The following CCDC15 variants were observed in gnomAD, a reference collection of about 807,000 sequenced individuals.
The protein encoded by CCDC15 is coiled-coil domain-containing protein 15.
A neutral mutation model predicts 114.5 loss-of-function variants in CCDC15; 105 were observed. The observed-to-expected ratio is 0.92, with a 90% CI of 0.78 to 1.08. The LOEUF (loss-of-function observed/expected upper bound fraction) is 1.08. Ranked by LOEUF, CCDC15 falls within the 50% of genes least tolerant of loss-of-function variation. The pLI is 0.00. For synonymous variants in CCDC15, 334 were observed against 377.8 expected (o/e 0.88, Z 1.34); for missense variants, 1,105 against 1,093.6 (o/e 1.01, Z -0.15).
At position 124,988,127 on chromosome 11, in the gene CCDC15, A is replaced by C; in HGVS notation, c.1901A>C (p.Lys634Thr). 1 of 1,610,560 alleles carries C rather than the reference A, an allele frequency of 6.2e-7. No individual in the cohort carries two copies. The highest frequency in any genetic ancestry group is 8.5e-7 in the Non-Finnish European group (1 of 1,178,632). ...TGTCAGGACCAAGATTTTCTACCAA[A>C]ATATCAGGTAAAATAGAGCAGAAAG... is the stretch of plus-strand genomic sequence containing the variant. ...PKCQDQDFLP[K>T]YQKVHFKEPY... is the part of the protein sequence containing the mutation. Residue 634 changes from lysine to threonine, a missense_variant, in exon 8 of 16, where the codon AAA becomes ACA. By Grantham distance (78) the Lys-to-Thr change is moderately conservative. Coordinates refer to ENST00000344762, the MANE Select transcript of CCDC15 (RefSeq NM_025004.3).
At chr11:124,968,325 C>T (rs958279502) in intron 4 of CCDC15, among the ~76,000 whole-genome samples, 2 of 152,216 alleles carry the variant, frequency 1.3e-5, no homozygotes, top group African/African-American at 4.8e-5. Context: ...TTCGAGCTTC[C>T]TAGACACTTT....
At chr11:125,025,392 A>G (rs866847996) in intron 13 of CCDC15, among the ~76,000 whole-genome samples, 2 of 151,678 alleles carry the variant, frequency 1.3e-5, no homozygotes, top group African/African-American at 2.4e-5. Flanking sequence ...TTTGTCTAAT[A>G]TATTTGTTAA....
At chr11:124,991,183 G>A (rs1424046008) in intron 8 of CCDC15, among the ~76,000 whole-genome samples, 4 of 152,192 alleles carry the variant, frequency 2.6e-5, no homozygotes, top group African/African-American at 9.7e-5. Context: ...GATCTTCTAT[G>A]CAGGCATCAT....
intron 13 of CCDC15, among the ~76,000 whole-genome samples, chr11:125,013,841 A>G (rs1008219560): frequency 6.6e-6 from 1 of 152,186 alleles, no homozygotes; most frequent in African/African-American, 2.4e-5. Context: ...GGGGTTTTCA[A>G]AATATGTTTC....
intron 11 of CCDC15, among the ~76,000 whole-genome samples, chr11:124,997,372 C>G (rs1016466062): frequency 6.6e-6 from 1 of 152,282 alleles, no homozygotes; most frequent in South Asian, 2.1e-4. Context: ...CTCACTGAAG[C>G]CTCAAATGAG....
At chr11:125,029,321 A>G (rs1436428950) in intron 13 of CCDC15, among the ~76,000 whole-genome samples, 1 of 152,192 alleles carries the variant, frequency 6.6e-6, no homozygotes, top group Non-Finnish European at 1.5e-5. Context: ...ACTTGAGCCC[A>G]TACACATCTC....
intron 11 of CCDC15, among the ~76,000 whole-genome samples, chr11:124,994,985 G>C (rs755659278): frequency 2.0e-5 from 3 of 152,184 alleles, no homozygotes; most frequent in Non-Finnish European, 4.4e-5. Flanking sequence ...CAAAGAAGCA[G>C]AAAATAGAGT....
At chr11:124,968,364 G>A (rs981780676) in intron 4 of CCDC15, among the ~76,000 whole-genome samples, 17 of 152,170 alleles carry the variant, frequency 1.1e-4, no homozygotes, top group Non-Finnish European at 1.8e-4. Context: ...CAGGAATGGC[G>A]GACGCCCCTC....
intron 4 of CCDC15, among the ~76,000 whole-genome samples, chr11:124,964,073 C>T (rs1274297698): frequency 3.3e-5 from 5 of 152,060 alleles, no homozygotes; most frequent in African/African-American, 4.8e-5. Flanking sequence ...AGTCAGGTAG[C>T]GTGATGCCTC....
intron 11 of CCDC15, among the ~76,000 whole-genome samples, chr11:125,003,287 GAAATAATTTTA>G (rs1217322863): frequency 6.6e-6 from 1 of 151,862 alleles, no homozygotes; most frequent in Non-Finnish European, 1.5e-5. Context: ...CTTAAGAGAT[GAAATAATTTTA>G]AACTTTTTAT....
At position 124,991,479 on chromosome 11, in the gene CCDC15, C is replaced by G; in HGVS notation, c.1927C>G (p.Pro643Ala). 1.3e-6 allele frequency: 2 copies of G among 1,584,992 alleles called. No homozygotes were observed. The highest frequency in any genetic ancestry group is 1.7e-6 in the Non-Finnish European group (2 of 1,157,352). The change falls in exon 9 of 16, where the codon CCA (proline) becomes GCA (alanine). Residue 643 changes from proline to alanine, a missense_variant. By Grantham distance (27) the Pro-to-Ala change is conservative (BLOSUM62 -1). Transcript: ENST00000344762. ...PKYQKVHFKE[P>A]YSDMTDEKGR... is the part of the protein sequence containing the mutation. Reference sequence around the variant, plus strand: ...CTTTTAGAAAGTACACTTTAAGGAGCCATACTCTGATATGACAGATGAGAA... The same window carrying G: ...CTTTTAGAAAGTACACTTTAAGGAGGCATACTCTGATATGACAGATGAGAA...
intron 13 of CCDC15, among the ~76,000 whole-genome samples, chr11:125,016,693 A>T (rs1018083226): frequency 6.6e-6 from 1 of 152,216 alleles, no homozygotes; most frequent in Non-Finnish European, 1.5e-5. Context: ...AAAAGTCAAA[A>T]TGAGAATTTC....
At chr11:124,985,521 G>C (rs1311538924) in intron 6 of CCDC15, among the ~76,000 whole-genome samples, 4 of 152,092 alleles carry the variant, frequency 2.6e-5, no homozygotes, top group Non-Finnish European at 5.9e-5. Context: ...AGCTATCCTA[G>C]TAGATGTGAA....
rs186868437 is a variant in CCDC15 at position 124,957,944 on chromosome 11, G to A, written c.178-1171G>A. 4.7e-4 allele frequency among the ~76,000 whole-genome samples: 72 copies of A among 152,274 alleles called. No individual in the cohort carries two copies. The East Asian group carries it at 7.1e-3, about 15-fold the overall frequency. ...AAAGAGAGACATAGTCAAGAGAAAA[G>A]CAGTGTAGAGAGGAACATAATTGTT... On this transcript the variant is annotated intron_variant, in intron 2 of 15. Transcript: ENST00000344762.
At position 125,003,976 on chromosome 11, in the gene CCDC15, C is replaced by T. The variant is rs370981353; in HGVS notation, c.2307+17C>T. ...AAGAAAGAGGTATGTAATGATACTG[C>T]TTTTGGATCCCAATATTTCTACTAT... On this transcript the variant is annotated intron_variant, in intron 12 of 15. Transcript: ENST00000344762. 2.4e-6 allele frequency: 3 copies of T among 1,251,782 alleles called. No individual in the cohort carries two copies. Among genetic ancestry groups the T allele is most frequent in the Non-Finnish European group, 3.3e-6 (3 of 916,176 alleles). The allele number at this position is 1,251,782 out of a possible 1,614,324, so 77.5% of individuals were successfully genotyped here.
At chr11:124,988,394 A>T (rs1054518804) in intron 8 of CCDC15, among the ~76,000 whole-genome samples, 2 of 152,252 alleles carry the variant, frequency 1.3e-5, no homozygotes, top group African/African-American at 4.8e-5. Context: ...ACCTTAATTT[A>T]AAAATACTTT....
At chr11:124,973,685 G>T (rs866498846) in intron 4 of CCDC15, among the ~76,000 whole-genome samples, 1 of 151,900 alleles carries the variant, frequency 6.6e-6, no homozygotes, top group African/African-American at 2.4e-5. Flanking sequence ...GTGCGGTGGC[G>T]CAATCTTGGC....
intron 13 of CCDC15, among the ~76,000 whole-genome samples, chr11:125,024,414 A>G (rs1156942480): frequency 6.6e-6 from 1 of 152,124 alleles, no homozygotes; most frequent in Admixed American, 6.6e-5. Flanking sequence ...GGGAAAATTT[A>G]GAATTGAAAT....
intron 6 of CCDC15, among the ~76,000 whole-genome samples, chr11:124,986,296 GTTC>G (rs983923817): frequency 6.6e-6 from 1 of 152,134 alleles, no homozygotes; most frequent in Non-Finnish European, 1.5e-5. Flanking sequence ...CTTCATCTTT[GTTC>G]TTCTTTTTCA....
Sources: gnomAD v4.1 joint callset for allele counts (sites outside exome capture counted in the v4.1 genomes callset) on GRCh38, gnomAD v4.1.1 for gene constraint, MANE v1.5 for transcripts, NCBI Gene and HGNC (gene_info 2026-07-23, HGNC 2026-07-21) for gene names.